The following VPS13C variants were observed in gnomAD, a reference collection of about 807,000 sequenced individuals.
VPS13C encodes vacuolar protein sorting 13 homolog C, also known as intermembrane lipid transfer protein VPS13C.
A neutral mutation model predicts 456.8 loss-of-function variants in VPS13C; 358 were observed. That is an observed-to-expected ratio of 0.78 (90% CI 0.72 to 0.86). The LOEUF (loss-of-function observed/expected upper bound fraction) is 0.86, where lower values mean the gene tolerates loss of function less well. Among genes scored for constraint, VPS13C ranks in the 40% least tolerant of loss-of-function variants. The probability of loss-of-function intolerance (pLI) is 0.00; values close to 1 mark genes in which losing one functional copy is unlikely to be tolerated. For synonymous variants in VPS13C, 1,578 were observed against 1,486.7 expected, an observed-to-expected ratio of 1.06 and a Z score of -1.41; for missense variants, 4,818 against 4,385.4, an observed-to-expected ratio of 1.10 and a Z score of -2.79.
rs1030957459 is a variant in VPS13C at position 62,026,030 on chromosome 15, G to A, written c.449-2185C>T. 7.9e-5 allele frequency among the ~76,000 whole-genome samples: 12 copies of A among 151,134 alleles called. No individual in the cohort carries two copies. In the South Asian group the frequency reaches 2.5e-3, roughly 32 times the overall value. On this transcript the variant is annotated intron_variant, in intron 6 of 84. Coordinates refer to ENST00000644861, the MANE Select transcript of VPS13C (RefSeq NM_020821.3). The stretch of plus-strand genomic sequence containing the variant: ...TTAATGTCTCACTTAGTAGAAGACA[G>A]TTGGATTAGCATATCTGCTTCTGCC...
intron 18 of VPS13C, among the ~76,000 whole-genome samples, chr15:61,987,246 T>G (rs993971451): frequency 1.3e-5 from 2 of 151,750 alleles, no homozygotes; most frequent in Non-Finnish European, 2.9e-5. Context: ...GTCAGAGGTC[T>G]TACTTTAAGA....
chr15:61,882,783 T>C (rs769588850), intron 68 of VPS13C, 47 bp from the exon 69 acceptor site: 1 of 1,480,156 alleles, frequency 6.8e-7, no homozygotes, highest in East Asian at 2.4e-5. Context: ...ATTAGCACAG[T>C]AGCTATTCCA....
rs1224271827 is a variant in VPS13C, at chr15:62,035,052, T to A, written c.188A>T (p.Asp63Val). ...VPFKVKAGQI[D>V]KLTLKIPWKN... ...CCAAGGAATCTTCAAAGTTAATTTA[T>A]CTAAGGAAACATAATTTCAACCTTA... The change falls in exon 4 of 85, where the codon GAT becomes GTT. Residue 63 changes from aspartate (D) to valine (V), a missense_variant and splice_region_variant. Asp to Val is a radical substitution (Grantham distance 152). Around this residue, in one of 3 missense-constraint regions of VPS13C, gnomAD observed 4,552 missense variants for 4,130.6 expected, o/e 1.10. Coordinates refer to ENST00000644861, the MANE Select transcript of VPS13C (RefSeq NM_020821.3). The A allele has an allele frequency of 6.3e-7, 1 of 1,598,054 alleles. No individual in the cohort carries two copies. The highest frequency in any genetic ancestry group is 8.6e-7 in the Non-Finnish European group (1 of 1,169,450).
intron 35 of VPS13C, 113 bp from the exon 36 acceptor site, chr15:61,959,708 G>T: frequency 1.9e-6 from 2 of 1,030,492 alleles, no homozygotes; most frequent in Non-Finnish European, 2.7e-6. Flanking sequence ...ATCTGAAACA[G>T]TGTGGCTTGA....
In VPS13C at chr15:61,875,843, G is replaced by T; in HGVS notation, c.10227C>A (p.Phe3409Leu). 6.4e-7 allele frequency: 1 copy of T among 1,556,328 alleles called. No homozygotes were observed. The highest frequency in any genetic ancestry group is 8.6e-7 in the Non-Finnish European group (1 of 1,158,922). ...WSVVRHYSEQ[F>L]LKQMYVLVLG... ...ATACAAGGACATACATCTGTTTCAA[G>T]AACTAAAAAAGAAAAAAAATTAAAT... Residue 3409 changes from phenylalanine (F) to leucine (L), a missense_variant and splice_region_variant, in exon 76 of 85, where the codon TTC becomes TTA. Around this residue, in one of 3 missense-constraint regions of VPS13C, gnomAD observed 4,552 missense variants for 4,130.6 expected, o/e 1.10. Coordinates refer to ENST00000644861, the MANE Select transcript of VPS13C (RefSeq NM_020821.3).
chr15:61,946,143 TC>T (rs1230325073), intron 44 of VPS13C, among the ~76,000 whole-genome samples, 163 bp downstream of exon 44: 1 of 152,148 alleles, frequency 6.6e-6, no homozygotes, highest in African/African-American at 2.4e-5. Flanking sequence ...AGAGGCCTAG[TC>T]TATACACAAT....
At position 61,952,538 on chromosome 15, in the gene VPS13C, TTAAGTA is replaced by T. The variant is rs1257657035; in HGVS notation, c.4300-564_4300-559del. On this transcript the variant is annotated intron_variant, in intron 38 of 84. Coordinates refer to ENST00000644861, the MANE Select transcript of VPS13C (RefSeq NM_020821.3). ...GTGTATGTGTGTTTGTGTGTGTGTG[TTAAGTA>T]TATCTGCAAATAGAATGATTCATCT... 7.9e-5 allele frequency among the ~76,000 whole-genome samples: 12 copies of T among 152,266 alleles called. No homozygotes were observed. In the East Asian group the frequency reaches 2.3e-3, roughly 29 times the overall value.
chr15:61,950,474 G>A lies in VPS13C; in HGVS notation c.4537-57C>T, dbSNP rs2044750072. 4.0e-6 allele frequency: 5 copies of A among 1,260,444 alleles called. No homozygotes were observed. The South Asian group carries it at 5.0e-5, about 13-fold the overall frequency. The allele number at this position is 1,260,444 out of a possible 1,614,324, so 78.1% of individuals were successfully genotyped here. A position where few individuals can be genotyped will look rare whatever the true frequency, so the allele number is the denominator to read the frequency against. On this transcript the variant is annotated intron_variant, in intron 40 of 84. Transcript: ENST00000644861. ...TTCAAACACTAAAAATTCATACACT[G>A]AAAATATACATATTCTTTACTTTTC... is the stretch of plus-strand genomic sequence containing the variant.
chr15:61,917,692 A>G lies in VPS13C; in HGVS notation c.7761-57T>C, dbSNP rs2043517746. ...TTTGATCCACAACTTAAAAAAAAGC[A>G]TCTCATTAAATCTTCCTGACAACTC... On this transcript the variant is annotated intron_variant, in intron 59 of 84. Transcript: ENST00000644861. The G allele has an allele frequency of 2.6e-6, 4 of 1,528,898 alleles. No individual in the cohort carries two copies. The South Asian group carries it at 3.8e-5, about 14-fold the overall frequency. 94.7% of individuals were successfully genotyped at this position (1,528,898 alleles called of 1,614,324 possible).
At position 61,865,765 on chromosome 15, in the gene VPS13C, C is replaced by T. The variant is rs199941210; in HGVS notation, c.10864-2237G>A. ...ATATCTGTATGTGTACATATATGTA[C>T]GTGTGTATATATGTATGTGTATATA... On this transcript the variant is annotated intron_variant, in intron 81 of 84. Transcript: ENST00000644861. 3.8e-5 allele frequency: 26 copies of T among 682,238 alleles called. No individual in the cohort carries two copies. The East Asian group carries it at 1.4e-3, about 37-fold the overall frequency. 42.3% of individuals were successfully genotyped at this position (682,238 alleles called of 1,614,324 possible).
intron 8 of VPS13C, among the ~76,000 whole-genome samples, chr15:62,022,035 T>C (rs1258438284): frequency 6.6e-6 from 1 of 151,906 alleles, no homozygotes; most frequent in Non-Finnish European, 1.5e-5. Flanking sequence ...CACATTTTAT[T>C]TACCCATTCA....
At chr15:61,881,528 A>G in intron 71 of VPS13C, 35 bp downstream of exon 71, 1 of 1,536,782 alleles carries the variant, frequency 6.5e-7, no homozygotes, top group Non-Finnish European at 8.8e-7. Flanking sequence ...CTCATTTTAA[A>G]TTCTTTTAGA....
chr15:61,950,148 T>C (rs1029230879), intron 41 of VPS13C, among the ~76,000 whole-genome samples: 10 of 152,170 alleles, frequency 6.6e-5, no homozygotes, highest in African/African-American at 2.4e-4. Flanking sequence ...AAGTCAAAAC[T>C]GGGAAACAAT....
At chr15:61,974,619 C>A (rs1490162748) in intron 24 of VPS13C, among the ~76,000 whole-genome samples, 1 of 152,034 alleles carries the variant, frequency 6.6e-6, no homozygotes, top group African/African-American at 2.4e-5. Context: ...TCAACATATC[C>A]CTCTTAAGTA....
chr15:62,048,198 G>A (rs1169333961), intron 1 of VPS13C, among the ~76,000 whole-genome samples: 5 of 150,292 alleles, frequency 3.3e-5, no homozygotes, highest in African/African-American at 7.4e-5. Context: ...TTGGTGTGCT[G>A]CACCCATTAA....
rs987606637 is a variant in VPS13C at position 61,858,405 on chromosome 15, C to T, written c.10953-1996G>A. On this transcript the variant is annotated intron_variant, in intron 82 of 84. Coordinates refer to ENST00000644861, the MANE Select transcript of VPS13C (RefSeq NM_020821.3). The surrounding 1 kb of genome is among the most constrained non-coding windows in gnomAD (Gnocchi z 4.4). ...CCCTCCCTATCATGTATTCCTTTCT[C>T]CTCTACATCCACTCAGTCACCAAGC... 5.3e-5 allele frequency among the ~76,000 whole-genome samples: 8 copies of T among 151,930 alleles called. 1 individual carries two copies. The highest frequency in any genetic ancestry group is 4.6e-4 in the Admixed American group (7 of 15,238).
At chr15:61,950,231 A>T in intron 41 of VPS13C, 127 bp downstream of exon 41, 2 of 708,484 alleles carry the variant, frequency 2.8e-6, no homozygotes, top group Middle Eastern at 2.4e-4. Context: ...TTTATCCATA[A>T]ATTAGGAATA....
chr15:62,024,397 C>T (rs11639286), intron 6 of VPS13C, among the ~76,000 whole-genome samples: 8,586 of 152,058 alleles, frequency 0.056, 309 homozygotes, highest in Non-Finnish European at 0.08. Context: ...ACACTGAATT[C>T]GATTAGGAAT....
chr15:61,983,594 A>G (rs1243446624), intron 20 of VPS13C: 4 of 438,532 alleles, frequency 9.1e-6, no homozygotes, highest in Non-Finnish European at 1.6e-5. Flanking sequence ...TTAAAATTTA[A>G]CAAAGGCGTA....
Sources: gnomAD v4.1 joint callset for allele counts (sites outside exome capture counted in the v4.1 genomes callset) on GRCh38, gnomAD v4.1.1 for gene constraint, gnomAD v4.1.1 regional missense constraint, Gnocchi (gnomAD v3.1) non-coding constraint, MANE v1.5 for transcripts, NCBI Gene and HGNC (gene_info 2026-07-23, HGNC 2026-07-21) for gene names.